KCNMA1: variants seen among roughly 807,000 people sequenced by gnomAD.
The protein encoded by KCNMA1 is Calcium-activated potassium channel subunit alpha-1.
A neutral mutation model predicts 140.0 loss-of-function variants in KCNMA1; 29 were observed. The observed-to-expected ratio is 0.21, with a 90% CI of 0.15 to 0.28. The LOEUF (loss-of-function observed/expected upper bound fraction) is 0.28, where lower values mean the gene tolerates loss of function less well. KCNMA1 is among the 10% of genes least tolerant of loss of function. The probability of loss-of-function intolerance (pLI) is 1.00; values close to 1 mark genes in which losing one functional copy is unlikely to be tolerated. For missense variants in KCNMA1, 880 were observed against 1,602.2 expected, an observed-to-expected ratio of 0.55 and a Z score of 7.70; for synonymous variants, 612 against 611.9, an observed-to-expected ratio of 1.00 and a Z score of 0.00.
intron 1 of KCNMA1, among the ~76,000 whole-genome samples, chr10:77,456,364 A>G (rs1295032286): frequency 6.6e-6 from 1 of 152,020 alleles, no homozygotes; most frequent in African/African-American, 2.4e-5. Context: ...AACCTTTCCC[A>G]TCAAAAGTAG....
At chr10:77,208,750 T>C (rs550584930) in intron 3 of KCNMA1, among the ~76,000 whole-genome samples, 1 of 152,334 alleles carries the variant, frequency 6.6e-6, no homozygotes, top group Non-Finnish European at 1.5e-5. Flanking sequence ...TGCAGACTAT[T>C]AGTTTTTCAT....
At chr10:77,416,571 C>T (rs140248673) in intron 1 of KCNMA1, among the ~76,000 whole-genome samples, 2 of 152,280 alleles carry the variant, frequency 1.3e-5, no homozygotes, top group African/African-American at 4.8e-5. Flanking sequence ...ACAGAGGACT[C>T]CAAGCAATTT....
intron 1 of KCNMA1, among the ~76,000 whole-genome samples, chr10:77,536,786 C>T (rs1032719438): frequency 3.3e-5 from 5 of 152,192 alleles, no homozygotes; most frequent in African/African-American, 1.2e-4. Context: ...CACCATAGTG[C>T]ACCCTCAATT....
At position 77,607,832 on chromosome 10, in the gene KCNMA1, T is replaced by C. The variant is rs540901306; in HGVS notation, c.378+29433A>G. On this transcript the variant is annotated intron_variant, in intron 1 of 27. Transcript: ENST00000286628. Reference sequence around the variant, plus strand: ...ATATTTGTGTTATCTTAAGGCACTATGTTTGTGGTCGTTACAGCAGCAAGG... The same window carrying C: ...ATATTTGTGTTATCTTAAGGCACTACGTTTGTGGTCGTTACAGCAGCAAGG... 1.2e-4 allele frequency among the ~76,000 whole-genome samples: 18 copies of C among 152,296 alleles called. No homozygotes were observed. In the South Asian group the frequency reaches 3.5e-3, roughly 30 times the overall value.
intron 1 of KCNMA1, among the ~76,000 whole-genome samples, chr10:77,475,802 C>T (rs964454195): frequency 1.3e-5 from 2 of 151,950 alleles, no homozygotes; most frequent in Non-Finnish European, 2.9e-5. Context: ...CTGGAAGGGC[C>T]CTTGGCAATC....
intron 1 of KCNMA1, among the ~76,000 whole-genome samples, chr10:77,608,012 C>A (rs1331349253): frequency 2.0e-5 from 3 of 152,126 alleles, no homozygotes; most frequent in African/African-American, 7.2e-5. Flanking sequence ...CCTAGGGTCC[C>A]TGTGGCCTGG....
At chr10:77,429,240 G>A (rs2154493328) in intron 1 of KCNMA1, among the ~76,000 whole-genome samples, 1 of 152,278 alleles carries the variant, frequency 6.6e-6, no homozygotes, top group Non-Finnish European at 1.5e-5. Flanking sequence ...TTAGAGCCAG[G>A]AACAGAAGGG....
intron 14 of KCNMA1, among the ~76,000 whole-genome samples, chr10:77,069,445 A>G (rs1037697794): frequency 5.3e-5 from 8 of 152,234 alleles, no homozygotes; most frequent in African/African-American, 1.9e-4. Context: ...ATATAAAATT[A>G]GCATAAGATT....
At chr10:77,027,588 C>A (rs2093575397) in intron 16 of KCNMA1, among the ~76,000 whole-genome samples, 1 of 152,208 alleles carries the variant, frequency 6.6e-6, no homozygotes, top group Non-Finnish European at 1.5e-5. Context: ...TCCCTCTTCC[C>A]TGGAGAAACA....
chr10:77,530,608 G>A (rs2154552777), intron 1 of KCNMA1, among the ~76,000 whole-genome samples: 1 of 152,232 alleles, frequency 6.6e-6, no homozygotes, highest in East Asian at 1.9e-4. Flanking sequence ...CCTTTTCTCT[G>A]GGAGCTTCTT....
intron 1 of KCNMA1, among the ~76,000 whole-genome samples, chr10:77,532,822 A>T (rs933788957): frequency 6.6e-6 from 1 of 152,124 alleles, no homozygotes; most frequent in Non-Finnish European, 1.5e-5. Flanking sequence ...CAAGTGAAAA[A>T]ATCCAGATTT....
At chr10:77,342,795 G>C (rs546874502) in intron 2 of KCNMA1, among the ~76,000 whole-genome samples, 7 of 152,316 alleles carry the variant, frequency 4.6e-5, no homozygotes, top group Admixed American at 3.3e-4. Context: ...ATCACGGGGT[G>C]GCACATAATT....
chr10:77,404,974 C>T (rs673657), intron 1 of KCNMA1, among the ~76,000 whole-genome samples: 104,948 of 150,830 alleles, frequency 0.7, 36,316 homozygotes, highest in East Asian at 0.83. Flanking sequence ...TTTGAACACC[C>T]GGATCCAGCT....
intron 1 of KCNMA1, among the ~76,000 whole-genome samples, chr10:77,457,248 C>T (rs778686297): frequency 5.9e-5 from 9 of 152,158 alleles, no homozygotes; most frequent in East Asian, 1.9e-4. Flanking sequence ...CAGGCTCCCT[C>T]GCTCTTTCTT....
At chr10:77,082,465 G>C (rs1277775037) in intron 12 of KCNMA1, among the ~76,000 whole-genome samples, 1 of 152,036 alleles carries the variant, frequency 6.6e-6, no homozygotes, top group African/African-American at 2.4e-5. Context: ...CTATTACTCA[G>C]GTAGCCCCAA....
chr10:76,894,560 A>G (rs1308869796), intron 25 of KCNMA1, among the ~76,000 whole-genome samples: 1 of 152,220 alleles, frequency 6.6e-6, no homozygotes, highest in Non-Finnish European at 1.5e-5. Context: ...AAAATGAGAG[A>G]GCATGTTTGC....
At chr10:77,380,287 G>T (rs186320515) in intron 2 of KCNMA1, among the ~76,000 whole-genome samples, 2 of 152,192 alleles carry the variant, frequency 1.3e-5, no homozygotes, top group Admixed American at 1.3e-4. Flanking sequence ...TCTGTCTCTA[G>T]GTTTCCACTG....
chr10:77,218,725 C>T (rs978962070), intron 3 of KCNMA1, among the ~76,000 whole-genome samples: 1 of 152,188 alleles, frequency 6.6e-6, no homozygotes. Flanking sequence ...CTCACTCCAT[C>T]GACCAGGCTG....
At chr10:77,058,306 T>C (rs1313031640) in intron 14 of KCNMA1, among the ~76,000 whole-genome samples, 1 of 152,064 alleles carries the variant, frequency 6.6e-6, no homozygotes, top group Non-Finnish European at 1.5e-5. Flanking sequence ...AATCCACAGT[T>C]ATAATTGGAG....
Sources: allele counts gnomAD v4.1 joint callset (sites outside exome capture counted in the v4.1 genomes callset), GRCh38; gene constraint gnomAD v4.1.1; transcripts MANE v1.5; gene names NCBI Gene and HGNC (gene_info 2026-07-23, HGNC 2026-07-21).